Variants in ALDOB observed in about 807,000 individuals in gnomAD.
ALDOB encodes the protein aldolase, fructose-bisphosphate B, also known as fructose-bisphosphate aldolase B.
A neutral mutation model predicts 41.0 loss-of-function variants in ALDOB; 39 were observed. That is an observed-to-expected ratio of 0.95 (90% CI 0.74 to 1.24). The LOEUF (loss-of-function observed/expected upper bound fraction) is 1.24, where lower values mean the gene tolerates loss of function less well. Among genes scored for constraint, ALDOB ranks in the 50% most tolerant of loss-of-function variants. The pLI is 0.00. For synonymous variants in ALDOB, 175 were observed against 168.8 expected (o/e 1.04, Z -0.28); for missense variants, 530 against 457.3 (o/e 1.16, Z -1.45).
intron 1 of ALDOB, among the ~76,000 whole-genome samples, chr9:101,432,865 C>G (rs1384427650): frequency 6.6e-6 from 1 of 152,196 alleles, no homozygotes; most frequent in Non-Finnish European, 1.5e-5. Flanking sequence ...CTTGATGACA[C>G]CCCAGAGTAC....
At chr9:101,434,031 C>A (rs760422805) in intron 1 of ALDOB, among the ~76,000 whole-genome samples, 19 of 152,154 alleles carry the variant, frequency 1.2e-4, no homozygotes, top group Non-Finnish European at 2.4e-4. Flanking sequence ...CTTGGCCTCG[C>A]AAAGTGCTGG....
chr9:101,426,111 C>G (rs1831125355), intron 6 of ALDOB, among the ~76,000 whole-genome samples: 1 of 152,132 alleles, frequency 6.6e-6, no homozygotes, highest in African/African-American at 2.4e-5. Context: ...GGTCAGGTGA[C>G]ATTATGACTC....
At chr9:101,431,440 T>C (rs1263950547) in intron 1 of ALDOB, among the ~76,000 whole-genome samples, 1 of 152,168 alleles carries the variant, frequency 6.6e-6, no homozygotes, top group African/African-American at 2.4e-5. Context: ...CTACAGAGGG[T>C]TGGGTGCAAG....
intron 1 of ALDOB, among the ~76,000 whole-genome samples, chr9:101,431,948 T>C (rs1330457881): frequency 1.3e-5 from 2 of 152,162 alleles, no homozygotes; most frequent in Admixed American, 6.5e-5. Flanking sequence ...TCTGATCCAT[T>C]GGCAATGAGG....
chr9:101,427,368 G>T (rs187730845), intron 5 of ALDOB, 114 bp downstream of exon 5: 47 of 1,352,626 alleles, frequency 3.5e-5, no homozygotes, highest in Non-Finnish European at 4.8e-5. Context: ...ATGCCACTAG[G>T]ATATACTGGT....
At chr9:101,425,966 A>C (rs949860994) in intron 6 of ALDOB, among the ~76,000 whole-genome samples, 2 of 152,030 alleles carry the variant, frequency 1.3e-5, no homozygotes, top group African/African-American at 4.8e-5. Context: ...TGCTTTAGCT[A>C]TTTGGGGTCA....
At chr9:101,430,000 C>G (rs184727997) in intron 2 of ALDOB, 34 bp from the exon 3 acceptor site, 5 of 1,578,550 alleles carry the variant, frequency 3.2e-6, no homozygotes, top group African/African-American at 1.3e-5. Context: ...GCATAAGGAG[C>G]AAGCCAGGGC....
intron 8 of ALDOB, among the ~76,000 whole-genome samples, chr9:101,423,774 G>C (rs1831083832): frequency 6.6e-6 from 1 of 151,902 alleles, no homozygotes; most frequent in South Asian, 2.1e-4. Flanking sequence ...GTCTCCTCTG[G>C]CTCCTCTTTC....
rs1831035250 is a variant in ALDOB, at chr9:101,420,738, T to A, written c.*1071A>T. 1 of 152,206 alleles carries A rather than the reference T, an allele frequency of 6.6e-6. No homozygotes were observed. The highest frequency in any genetic ancestry group is 1.5e-5 in the Non-Finnish European group (1 of 68,032). The allele number at this position is 152,206 out of a possible 1,614,324, so 9.4% of individuals were successfully genotyped here. ...TCTCCTCCCCCTTATATTTCCTAGCTTCTGTCAGTTAAATCATCACTTTTA... is the reference window on the plus strand; with the variant it reads ...TCTCCTCCCCCTTATATTTCCTAGCATCTGTCAGTTAAATCATCACTTTTA... On this transcript the variant is annotated 3_prime_UTR_variant, in exon 9 of 9. Transcript: ENST00000647789.
chr9:101,433,636 C>A (rs996768796), intron 1 of ALDOB, among the ~76,000 whole-genome samples: 1 of 152,154 alleles, frequency 6.6e-6, no homozygotes, highest in African/African-American at 2.4e-5. Flanking sequence ...TACTGTCCTC[C>A]TATTTTTTAA....
intron 3 of ALDOB, 92 bp downstream of exon 3, chr9:101,429,663 G>A (rs1588172171): frequency 1.7e-6 from 2 of 1,161,186 alleles, no homozygotes; most frequent in East Asian, 2.3e-5. Context: ...ATTTGATGAG[G>A]AGAATGTTCA....
intron 6 of ALDOB, among the ~76,000 whole-genome samples, chr9:101,425,937 T>TC (rs1831123151): frequency 1.3e-5 from 2 of 152,222 alleles, no homozygotes; most frequent in African/African-American, 4.8e-5. Context: ...GTCAATGTCA[T>TC]TCCTTATTGA....
In ALDOB at chr9:101,421,059, A is replaced by T. The variant is rs906988864; in HGVS notation, c.*750T>A. On this transcript the variant is annotated 3_prime_UTR_variant, in exon 9 of 9. Transcript: ENST00000647789. ...ATTTTTAGCTGGCTTCGTATTGTGA[A>T]TGGCTTTAATTTTCAAATACCCTCA... 1 of 152,396 alleles carries T rather than the reference A, an allele frequency of 6.6e-6. No individual in the cohort carries two copies. The highest frequency in any genetic ancestry group is 1.5e-5 in the Non-Finnish European group (1 of 68,196). 9.4% of individuals were successfully genotyped at this position (152,396 alleles called of 1,614,324 possible).
chr9:101,422,991 C>G (rs1243359744), intron 8 of ALDOB, among the ~76,000 whole-genome samples: 1 of 152,154 alleles, frequency 6.6e-6, no homozygotes, highest in Non-Finnish European at 1.5e-5. Context: ...ATGATAAACT[C>G]AGCTTCCCTT....
chr9:101,427,450 C>G, intron 5 of ALDOB, 32 bp downstream of exon 5: 1 of 1,613,812 alleles, frequency 6.2e-7, no homozygotes, highest in Non-Finnish European at 8.5e-7. Context: ...CTCTAGCCTA[C>G]TCTTTTTCAG....
rs1204761318 is a variant in ALDOB, at chr9:101,429,789, A to T, written c.290T>A (p.Ile97Asn). ...KDSQGKLFRNILKEKGIVVGI... is the reference protein window; with the variant it reads ...KDSQGKLFRNNLKEKGIVVGI... ...CACCACGATCCCCTTTTCCTTGAGG[A>T]TGTTTCTGAACAGCTTTCCCTGGCT... is the stretch of plus-strand genomic sequence containing the variant. Residue 97 changes from isoleucine (I) to asparagine (N), a missense_variant, in exon 3 of 9, where the codon ATC becomes AAC. Physicochemically the swap from Ile to Asn is moderately radical, Grantham distance 149. Transcript: ENST00000647789. The T allele has an allele frequency of 2.5e-6, 4 of 1,614,068 alleles. No individual in the cohort carries two copies. Among genetic ancestry groups the T allele is most frequent in the Non-Finnish European group, 1.7e-6 (2 of 1,180,012 alleles).
rs1484672819 is a variant in ALDOB at position 101,429,925 on chromosome 9, T to C, written c.154A>G (p.Thr52Ala). The change falls in exon 3 of 9, where the codon ACT (threonine) becomes GCT (alanine). Residue 52 changes from threonine to alanine, a missense_variant. Physicochemically the swap from Thr to Ala is moderately conservative, Grantham distance 58. Transcript: ENST00000647789. ...NRLQRIKVENTEENRRQFREI... is the reference protein window; with the variant it reads ...NRLQRIKVENAEENRRQFREI... Reference sequence around the variant, plus strand: ...CGGAACTGCCGGCGGTTCTCTTCAGTGTTTTCCACCTTGATCCTCTGCAGG... The same window carrying C: ...CGGAACTGCCGGCGGTTCTCTTCAGCGTTTTCCACCTTGATCCTCTGCAGG... 1.2e-6 allele frequency: 2 copies of C among 1,614,098 alleles called. No individual in the cohort carries two copies. The highest frequency in any genetic ancestry group is 1.7e-6 in the Non-Finnish European group (2 of 1,180,034).
chr9:101,422,838 A>AT (rs554388555), intron 8 of ALDOB, among the ~76,000 whole-genome samples: 27 of 152,362 alleles, frequency 1.8e-4, no homozygotes, highest in Non-Finnish European at 3.7e-4. Context: ...ATCATTATAC[A>AT]TTATATGCAT....
In ALDOB at chr9:101,424,930, C is replaced by G. The variant is rs1588170091; in HGVS notation, c.912G>C (p.Arg304=). Residue 304 remains arginine (R), a synonymous_variant, in exon 8 of 9, where the codon CGG becomes CGC. Coordinates refer to ENST00000647789, the MANE Select transcript of ALDOB (RefSeq NM_000035.4). ...CAGCCAGTGCACTGGCCTGCAGGGC[C>G]CGTCCATAAGAGAAACTTAGTTTCC... ...KPWKLSFSYG[R]ALQASALAAW... 1 of 1,614,154 alleles carries G rather than the reference C, an allele frequency of 6.2e-7. No homozygotes were observed. Among genetic ancestry groups the G allele is most frequent in the South Asian group, 1.1e-5 (1 of 91,070 alleles).
Sources: allele counts gnomAD v4.1 joint callset (sites outside exome capture counted in the v4.1 genomes callset), GRCh38; gene constraint gnomAD v4.1.1; transcripts MANE v1.5; gene names NCBI Gene and HGNC (gene_info 2026-07-23, HGNC 2026-07-21).